Variants in MAOB observed in about 807,000 individuals in gnomAD.
The protein encoded by MAOB is amine oxidase [flavin-containing] B.
A neutral mutation model predicts 41.9 loss-of-function variants in MAOB; 15 were observed. The ratio of observed to expected loss-of-function variants is 0.36; its 90% confidence interval spans 0.24 to 0.55. The LOEUF is 0.55. Among genes scored for constraint, MAOB ranks in the 20% least tolerant of loss-of-function variants. MAOB has a pLI of 0.86. For synonymous variants in MAOB, 167 were observed against 144.2 expected, an observed-to-expected ratio of 1.16 and a Z score of -1.13; for missense variants, 345 against 398.7, an observed-to-expected ratio of 0.87 and a Z score of 1.15.
At chrX:43,850,557 T>C (rs1241865007) in intron 1 of MAOB, 1 of 473,841 alleles carries the variant, frequency 2.1e-6, no homozygotes, top group Non-Finnish European at 2.6e-6. Context: ...ATAAACCAAA[T>C]ATTGCAATGT....
At chrX:43,827,353 G>A (rs1276601872) in intron 3 of MAOB, among the ~76,000 whole-genome samples, 1 of 111,917 alleles carries the variant, frequency 8.9e-6, no homozygotes, top group Non-Finnish European at 1.9e-5. Context: ...GCTCAACTGG[G>A]TTGGATGTCT....
At chrX:43,773,365 T>A (rs1287996982) in intron 12 of MAOB, among the ~76,000 whole-genome samples, 1 of 112,013 alleles carries the variant, frequency 8.9e-6, no homozygotes, top group Admixed American at 9.4e-5. Flanking sequence ...CAGGGACATA[T>A]GTCAGTACTT....
intron 1 of MAOB, among the ~76,000 whole-genome samples, chrX:43,851,552 C>T (rs2035252511): frequency 9.0e-6 from 1 of 111,561 alleles, no homozygotes; most frequent in Admixed American, 9.6e-5. Flanking sequence ...GATAGTAGCC[C>T]TCCTACGGAT....
Position 43,797,142 on chromosome X carries a change from T to C in MAOB, c.601A>G (p.Thr201Ala), listed in dbSNP as rs12845773. ...QCGGTTRIIS[T>A]TNGGQERKFV... ...ATGGGTACCTGTCCTCCATTTGTTGTCGAGATGATTCTTGTTGTGCCTCCA... is the reference window on the plus strand; with the variant it reads ...ATGGGTACCTGTCCTCCATTTGTTGCCGAGATGATTCTTGTTGTGCCTCCA... Residue 201 changes from threonine (T) to alanine (A), a missense_variant, in exon 6 of 15, where the codon ACA becomes GCA. Transcript: ENST00000378069. 8.3e-7 allele frequency: 1 copy of C among 1,206,879 alleles called. No individual in the cohort carries two copies. The highest frequency in any genetic ancestry group is 1.8e-5 in the African/African-American group (1 of 56,973).
At chrX:43,771,835 A>C (rs2034189091) in intron 12 of MAOB, among the ~76,000 whole-genome samples, 1 of 111,727 alleles carries the variant, frequency 9.0e-6, no homozygotes, top group Non-Finnish European at 1.9e-5. Flanking sequence ...TGTTCCTTTA[A>C]GGGAAAAAAA....
intron 6 of MAOB, among the ~76,000 whole-genome samples, chrX:43,796,295 C>T (rs1304690414): frequency 9.0e-6 from 1 of 111,238 alleles, no homozygotes; most frequent in Non-Finnish European, 1.9e-5. Context: ...GTGGCTCAAG[C>T]GCAGAACTTC....
chrX:43,789,644 A>C (rs1425971001), intron 8 of MAOB, among the ~76,000 whole-genome samples: 1 of 111,462 alleles, frequency 9.0e-6, no homozygotes, highest in Non-Finnish European at 1.9e-5. Context: ...TAGACTTAGA[A>C]TGCCTCAGTG....
intron 3 of MAOB, among the ~76,000 whole-genome samples, chrX:43,818,557 C>T (rs929764392): frequency 1.8e-5 from 2 of 112,197 alleles, no homozygotes; most frequent in Admixed American, 1.9e-4. Flanking sequence ...CACCATTCTA[C>T]TCTACTTCAA....
chrX:43,803,030 G>T lies in MAOB; in HGVS notation c.384+270C>A, dbSNP rs992461198. 2.7e-5 allele frequency among the ~76,000 whole-genome samples: 3 copies of T among 111,851 alleles called. No homozygotes were observed. In the Admixed American group the frequency reaches 2.8e-4, roughly 11 times the overall value. ...AGACCCAGAAGTCTAATTTTGCTAT[G>T]TACTGAAGATTTCCAAAATTTGAAA... On this transcript the variant is annotated intron_variant, in intron 4 of 14. Transcript: ENST00000378069.
Position 43,767,417 on chromosome X carries a change from T to C in MAOB, c.*49A>G. On this transcript the variant is annotated 3_prime_UTR_variant, in exon 15 of 15. Coordinates refer to ENST00000378069, the MANE Select transcript of MAOB (RefSeq NM_000898.5). ...TACTGCAACTCTTTCCCCAAACTCA[T>C]ATCCCAAATACAGTAAGAAGAGAGT... is the stretch of plus-strand genomic sequence containing the variant. 8.8e-7 allele frequency: 1 copy of C among 1,137,455 alleles called. No individual in the cohort carries two copies. 93.7% of individuals were successfully genotyped at this position (1,137,455 alleles called of 1,213,427 possible).
chrX:43,777,510 G>T (rs1357832650), intron 11 of MAOB, among the ~76,000 whole-genome samples: 1 of 111,811 alleles, frequency 8.9e-6, no homozygotes, highest in Non-Finnish European at 1.9e-5. Context: ...AAGTACAGAA[G>T]ATCTGCAATG....
chrX:43,834,128 A>G (rs760234841), intron 3 of MAOB, among the ~76,000 whole-genome samples: 4 of 112,494 alleles, frequency 3.6e-5, no homozygotes, highest in Non-Finnish European at 7.5e-5. Flanking sequence ...GAAAAGGTTC[A>G]TTAAGCCCAC....
rs770909931 is a variant in MAOB, at chrX:43,793,535, T to C, written c.812A>G (p.Lys271Arg). 6.7e-6 allele frequency: 8 copies of C among 1,202,341 alleles called. No homozygotes were observed. Among genetic ancestry groups the C allele is most frequent in the South Asian group, 5.4e-5 (3 of 55,654 alleles). Residue 271 changes from lysine to arginine, a missense_variant, in exon 8 of 15, where the codon AAG becomes AGG. By Grantham distance (26) the Lys-to-Arg change is conservative. Coordinates refer to ENST00000378069, the MANE Select transcript of MAOB (RefSeq NM_000898.5). ...TGGCAGAGGGGGATTGAAGTGAATCTTCATGCCCAGAGTAGGAGGAATAGC... is the reference window on the plus strand; with the variant it reads ...TGGCAGAGGGGGATTGAAGTGAATCCTCATGCCCAGAGTAGGAGGAATAGC... ...ISAIPPTLGM[K>R]IHFNPPLPMM...
chrX:43,797,137 T>C lies in MAOB; in HGVS notation c.606A>G (p.Thr202=), dbSNP rs7879356. The C allele has an allele frequency of 8.2e-3, 9,885 of 1,206,381 alleles. 527 individuals are homozygous for C. In the African/African-American group the frequency reaches 0.15, roughly 19 times the overall value. ...AATGGATGGGTACCTGTCCTCCATT[T>C]GTTGTCGAGATGATTCTTGTTGTGC... ...CGGTTRIIST[T]NGGQERKFVG... The change falls in exon 6 of 15, where the codon ACA becomes ACG. Residue 202 remains threonine, a synonymous_variant. Transcript: ENST00000378069.
At chrX:43,773,824 C>T (rs1212687748) in intron 12 of MAOB, among the ~76,000 whole-genome samples, 3 of 112,056 alleles carry the variant, frequency 2.7e-5, no homozygotes, top group African/African-American at 6.5e-5. Context: ...ATTGTGAAGC[C>T]TCCCCAGCCA....
intron 3 of MAOB, among the ~76,000 whole-genome samples, chrX:43,825,281 G>A (rs750753006): frequency 5.4e-5 from 6 of 111,459 alleles, no homozygotes; most frequent in Non-Finnish European, 1.1e-4. Flanking sequence ...GCCACAGGGG[G>A]TTCCTTGCAG....
intron 9 of MAOB, 57 bp downstream of exon 9, chrX:43,781,391 T>G (rs1207305494): frequency 1.5e-6 from 1 of 675,697 alleles, no homozygotes; most frequent in African/African-American, 2.3e-5. Context: ...TTGTTAATAG[T>G]ATGTGATTAT....
chrX:43,843,871 CTATTGTTACATTCAACT>C, intron 1 of MAOB, 107 bp from the exon 2 acceptor site: 3 of 1,069,124 alleles, frequency 2.8e-6, no homozygotes, highest in Non-Finnish European at 3.6e-6. Context: ...CGTGCACCGC[CTATTGTTACATTCAACT>C]TACAAGTGGA....
chrX:43,826,875 G>T (rs2034953561), intron 3 of MAOB, among the ~76,000 whole-genome samples: 1 of 112,028 alleles, frequency 8.9e-6, no homozygotes, highest in South Asian at 3.7e-4. Context: ...CTGTTGCACT[G>T]GGGATTAAGT....
Sources: gnomAD v4.1 joint callset for allele counts (sites outside exome capture counted in the v4.1 genomes callset) on GRCh38, gnomAD v4.1.1 for gene constraint, MANE v1.5 for transcripts, NCBI Gene and HGNC (gene_info 2026-07-23, HGNC 2026-07-21) for gene names.